GLT8D2: variants seen among roughly 807,000 people sequenced by gnomAD.
The protein encoded by GLT8D2 is glycosyltransferase 8 domain-containing protein 2.
GLT8D2 carries 45 observed loss-of-function variants against 44.5 expected under a neutral mutation model. The ratio of observed to expected loss-of-function variants is 1.01; its 90% confidence interval spans 0.80 to 1.30. The LOEUF (loss-of-function observed/expected upper bound fraction) is 1.30, where lower values mean the gene tolerates loss of function less well. Among genes scored for constraint, GLT8D2 ranks in the 50% most tolerant of loss-of-function variants. The pLI, the probability that GLT8D2 is intolerant of heterozygous loss-of-function variation, is 0.00. For missense variants in GLT8D2, 400 were observed against 430.4 expected, an observed-to-expected ratio of 0.93 and a Z score of 0.62; for synonymous variants, 156 against 157.2, an observed-to-expected ratio of 0.99 and a Z score of 0.06.
chr12:103,996,901 G>A, intron 7 of GLT8D2, 54 bp from the exon 8 acceptor site: 5 of 1,283,776 alleles, frequency 3.9e-6, no homozygotes, highest in Non-Finnish European at 5.6e-6. Flanking sequence ...TTTTGGGCTA[G>A]ATAGAGCCTT....
chr12:103,999,439 C>T lies in GLT8D2; in HGVS notation c.360G>A (p.Gly120=). ...GCCTCGATGAGTCTGGTCTGATCTT[C>T]CCTTTGAGGACCATCGGGTTGAATT... ...IVEFNPMVLK[G]KIRPDSSRPE... Residue 120 remains glycine (G), a synonymous_variant, in exon 6 of 11, where the codon GGG becomes GGA. Coordinates refer to ENST00000360814, the MANE Select transcript of GLT8D2 (RefSeq NM_001384711.1). The T allele has an allele frequency of 6.2e-7, 1 of 1,613,366 alleles. No homozygotes were observed. Among genetic ancestry groups the T allele is most frequent in the Non-Finnish European group, 8.5e-7 (1 of 1,179,388 alleles).
At chr12:104,026,437 T>A (rs1405898940) in intron 1 of GLT8D2, among the ~76,000 whole-genome samples, 1 of 152,202 alleles carries the variant, frequency 6.6e-6, no homozygotes, top group Non-Finnish European at 1.5e-5. Flanking sequence ...ATTTGTGCTC[T>A]GAAATCAAGA....
intron 1 of GLT8D2, among the ~76,000 whole-genome samples, chr12:104,021,927 GAA>G (rs1877781715): frequency 1.9e-4 from 5 of 26,082 alleles, no homozygotes; most frequent in East Asian, 2.0e-3. Flanking sequence ...AGAAGAAGAA[GAA>G]GAAGAAGAAG....
At chr12:104,013,112 G>A (rs1246731748) in intron 4 of GLT8D2, among the ~76,000 whole-genome samples, 1 of 152,208 alleles carries the variant, frequency 6.6e-6, no homozygotes, top group East Asian at 1.9e-4. Flanking sequence ...TAAGCGTACA[G>A]TACAATGATG....
intron 1 of GLT8D2, among the ~76,000 whole-genome samples, chr12:104,024,212 G>A (rs1383177039): frequency 6.6e-6 from 1 of 152,082 alleles, no homozygotes; most frequent in African/African-American, 2.4e-5. Flanking sequence ...TGAGACCCCT[G>A]TCTGTATGAA....
chr12:104,040,433 T>G (rs553524285), intron 1 of GLT8D2, among the ~76,000 whole-genome samples: 1 of 152,210 alleles, frequency 6.6e-6, no homozygotes, highest in Non-Finnish European at 1.5e-5. Flanking sequence ...AAAAAATGTT[T>G]TTTTTCTTTT....
At chr12:104,012,372 CTG>C (rs1041891600) in intron 4 of GLT8D2, among the ~76,000 whole-genome samples, 9 of 152,028 alleles carry the variant, frequency 5.9e-5, no homozygotes, top group Non-Finnish European at 4.4e-5. Context: ...AATTTTAACA[CTG>C]AATGGATAAA....
chr12:103,999,250 A>C (rs1873886317), intron 6 of GLT8D2, 147 bp downstream of exon 6: 1 of 593,772 alleles, frequency 1.7e-6, no homozygotes, highest in African/African-American at 1.8e-5. Flanking sequence ...GCTGGCTTAT[A>C]AATTATACAT....
At chr12:104,021,903 GAA>G (rs1877737833) in intron 1 of GLT8D2, among the ~76,000 whole-genome samples, 1 of 12,634 alleles carries the variant, frequency 7.9e-5, no homozygotes, top group Non-Finnish European at 1.5e-4. Context: ...AGAAGAAGAA[GAA>G]GAAGAAGAAG....
In GLT8D2 at chr12:103,996,766, G is replaced by A. The variant is rs1373471116; in HGVS notation, c.569C>T (p.Ala190Val). Residue 190 changes from alanine to valine, a missense_variant, in exon 8 of 11, where the codon GCT (alanine) becomes GTT (valine). Physicochemically the swap from Ala to Val is moderately conservative, Grantham distance 64. Coordinates refer to ENST00000360814, the MANE Select transcript of GLT8D2 (RefSeq NM_001384711.1). The stretch of plus-strand genomic sequence containing the variant: ...TCCCACGAGTCTGTTTATGTCCTGA[G>A]CAGAGGGCAAATCGCAGTCATCTGA... ...AFSDDCDLPS[A>V]QDINRLVGLQ... The A allele has an allele frequency of 3.7e-6, 6 of 1,614,070 alleles. No homozygotes were observed. The East Asian group carries it at 1.3e-4, about 36-fold the overall frequency.
upstream of GLT8D2, among the ~76,000 whole-genome samples, chr12:104,050,589 A>G (rs1881615767): frequency 6.6e-6 from 1 of 152,146 alleles, no homozygotes; most frequent in South Asian, 2.1e-4. Context: ...GGAATGAGGC[A>G]GGGAGCTGGG....
chr12:104,032,466 CAAAAAAAAAA>C (rs547392677), intron 1 of GLT8D2, among the ~76,000 whole-genome samples: 6 of 59,698 alleles, frequency 1.0e-4, no homozygotes, highest in South Asian at 5.3e-4. Context: ...TGTGCAATAG[CAAAAAAAAAA>C]AAAAAAAAAA....
intron 4 of GLT8D2, among the ~76,000 whole-genome samples, chr12:104,010,137 T>C (rs1875635572): frequency 6.6e-6 from 1 of 152,242 alleles, no homozygotes; most frequent in African/African-American, 2.4e-5. Flanking sequence ...AAATGAGAAT[T>C]TGACGTTTCT....
At chr12:104,061,108 T>C (rs957881112) in intron 1 of GLT8D2, among the ~76,000 whole-genome samples, 4 of 152,172 alleles carry the variant, frequency 2.6e-5, no homozygotes, top group African/African-American at 9.7e-5. Context: ...ATCACAGCCC[T>C]ACTGACACTT....
intron 4 of GLT8D2, among the ~76,000 whole-genome samples, chr12:104,013,821 T>C (rs117407394): frequency 0.035 from 5,263 of 152,286 alleles, 134 homozygotes; most frequent in Non-Finnish European, 0.055. Flanking sequence ...GGCTCACTGC[T>C]GCTTAGACCT....
chr12:104,030,829 C>A, intron 1 of GLT8D2: 2 of 1,594,398 alleles, frequency 1.3e-6, no homozygotes, highest in South Asian at 1.1e-5. Flanking sequence ...GCGCATGGAA[C>A]CTGGAGAACC....
intron 1 of GLT8D2, among the ~76,000 whole-genome samples, chr12:104,048,539 C>T (rs1239443922): frequency 1.3e-5 from 2 of 152,048 alleles, no homozygotes; most frequent in Admixed American, 6.6e-5. Context: ...CTTAATGAAC[C>T]TCACATTTTC....
chr12:104,012,105 G>A (rs978469995), intron 4 of GLT8D2, among the ~76,000 whole-genome samples: 4 of 148,454 alleles, frequency 2.7e-5, no homozygotes, highest in Non-Finnish European at 3.0e-5. Flanking sequence ...CAGAGGCAGA[G>A]GTAGTGGTGA....
intron 3 of GLT8D2, among the ~76,000 whole-genome samples, chr12:104,016,727 GAAAGAAAGAA>G (rs1348485870): frequency 3.2e-5 from 2 of 62,152 alleles, no homozygotes; most frequent in Non-Finnish European, 6.7e-5. Context: ...AAGAAAGAAA[GAAAGAAAGAA>G]AGAAAGAAAG....
Sources: allele counts gnomAD v4.1 joint callset (sites outside exome capture counted in the v4.1 genomes callset), GRCh38; gene constraint gnomAD v4.1.1; transcripts MANE v1.5; gene names NCBI Gene and HGNC (gene_info 2026-07-23, HGNC 2026-07-21).